Variants in SH3KBP1 observed in about 807,000 individuals in gnomAD.
SH3KBP1 encodes SH3 domain containing kinase binding protein 1.
Under a neutral mutation model 50.1 loss-of-function variants are expected in SH3KBP1, and 8 were observed. The observed-to-expected ratio is 0.16, with a 90% confidence interval of 0.09 to 0.29. The LOEUF (loss-of-function observed/expected upper bound fraction) is 0.29. Among genes scored for constraint, SH3KBP1 ranks in the 10% least tolerant of loss-of-function variants. The probability of loss-of-function intolerance (pLI) is 1.00; values close to 1 mark genes in which losing one functional copy is unlikely to be tolerated. For synonymous variants in SH3KBP1, 227 were observed against 218.6 expected, an observed-to-expected ratio of 1.04 and a Z score of -0.34; for missense variants, 377 against 535.2, an observed-to-expected ratio of 0.70 and a Z score of 2.92.
At chrX:19,650,863 A>G (rs1348023436) in intron 6 of SH3KBP1, among the ~76,000 whole-genome samples, 1 of 111,456 alleles carries the variant, frequency 9.0e-6, no homozygotes, top group African/African-American at 3.3e-5. Flanking sequence ...AGGGGTGCCC[A>G]ACCATTCCAC....
intron 2 of SH3KBP1, among the ~76,000 whole-genome samples, chrX:19,753,796 A>G (rs923601012): frequency 8.9e-6 from 1 of 112,598 alleles, no homozygotes; most frequent in Non-Finnish European, 1.9e-5. Flanking sequence ...GAAGAAAAAA[A>G]ACATAAAGTA....
chrX:19,717,544 G>A lies in SH3KBP1; in HGVS notation c.287-10560C>T, dbSNP rs1192073380. The stretch of plus-strand genomic sequence containing the variant: ...GATTGTGCCACTGCACTTCAGCCTG[G>A]GCAACGGAGTGAGACTCTGTCTCAA... On this transcript the variant is annotated intron_variant, in intron 3 of 17. Coordinates refer to ENST00000397821, the MANE Select transcript of SH3KBP1 (RefSeq NM_031892.3). Among the ~76,000 whole-genome samples the A allele has an allele frequency of 2.7e-5, 3 of 111,632 alleles. No homozygotes were observed. The East Asian group carries it at 8.5e-4, about 31-fold the overall frequency.
At chrX:19,671,096 G>A (rs1208915309) in intron 6 of SH3KBP1, 6 of 859,641 alleles carry the variant, frequency 7.0e-6, no homozygotes, top group South Asian at 4.5e-5. Flanking sequence ...CTCCTCCCTC[G>A]CCTATGTTGC....
intron 1 of SH3KBP1, among the ~76,000 whole-genome samples, chrX:19,851,345 G>A (rs2068504166): frequency 8.9e-6 from 1 of 111,876 alleles, no homozygotes; most frequent in African/African-American, 3.3e-5. Flanking sequence ...TGCAACACAC[G>A]AATCCAGATG....
intron 2 of SH3KBP1, among the ~76,000 whole-genome samples, chrX:19,816,660 T>C (rs1239449023): frequency 9.0e-6 from 1 of 110,697 alleles, no homozygotes; most frequent in African/African-American, 3.3e-5. Flanking sequence ...TACAAAAAAT[T>C]AGCCAGGCGT....
intron 2 of SH3KBP1, among the ~76,000 whole-genome samples, chrX:19,801,583 G>A (rs762261564): frequency 8.9e-6 from 1 of 111,880 alleles, no homozygotes; most frequent in African/African-American, 3.3e-5. Flanking sequence ...TTACAAAGGT[G>A]AGTGGTTGCC....
chrX:19,539,982 G>C (rs1342744062), intron 16 of SH3KBP1, among the ~76,000 whole-genome samples: 2 of 111,367 alleles, frequency 1.8e-5, no homozygotes, highest in African/African-American at 3.3e-5. Flanking sequence ...AGATGTTGCA[G>C]GCACCTCTCA....
At chrX:19,571,830 CT>C (rs199692054) in intron 12 of SH3KBP1, among the ~76,000 whole-genome samples, 203 of 99,798 alleles carry the variant, frequency 2.0e-3, no homozygotes, top group Middle Eastern at 0.01. Flanking sequence ...CTCTACTTGG[CT>C]TTTTTTTTTT....
rs537939258 is a variant in SH3KBP1, at chrX:19,853,917, G to A, written c.5-17635C>T. On this transcript the variant is annotated intron_variant, in intron 1 of 17. Transcript: ENST00000397821. ...GCAGACGTTGCAGTGAGCCAAGATC[G>A]CACCACTGCACTCCAGCCTGGGCAA... Among the ~76,000 whole-genome samples the A allele has an allele frequency of 1.9e-4, 20 of 105,863 alleles. No individual in the cohort carries two copies. The South Asian group carries it at 7.6e-3, about 40-fold the overall frequency. The allele number at this position is 105,863 out of a possible 115,157, so 91.9% of individuals were successfully genotyped here.
intron 2 of SH3KBP1, among the ~76,000 whole-genome samples, chrX:19,790,482 C>A (rs1056879062): frequency 6.3e-5 from 7 of 111,625 alleles, no homozygotes; most frequent in African/African-American, 2.3e-4. Context: ...GAGTGGACAA[C>A]CAATCAAAAT....
chrX:19,803,988 C>T (rs1001667191), intron 2 of SH3KBP1, among the ~76,000 whole-genome samples: 10 of 110,989 alleles, frequency 9.0e-5, no homozygotes, highest in Non-Finnish European at 1.9e-5. Context: ...CTGACTAACA[C>T]GGTGAAACCT....
intron 4 of SH3KBP1, among the ~76,000 whole-genome samples, chrX:19,702,656 T>A (rs982830642): frequency 1.9e-5 from 2 of 103,176 alleles, no homozygotes; most frequent in South Asian, 4.2e-4. Flanking sequence ...CAATGCACTT[T>A]AAAAAAAAAA....
At chrX:19,856,684 C>T (rs767921487) in intron 1 of SH3KBP1, among the ~76,000 whole-genome samples, 2 of 110,945 alleles carry the variant, frequency 1.8e-5, no homozygotes, top group Non-Finnish European at 3.8e-5. Context: ...CTACAGCCTT[C>T]GAAAGGAACC....
intron 2 of SH3KBP1, among the ~76,000 whole-genome samples, chrX:19,820,691 C>A (rs1327065768): frequency 4.5e-5 from 5 of 110,524 alleles, no homozygotes; most frequent in African/African-American, 1.3e-4. Context: ...ATTTAAAACA[C>A]ATATTGACAT....
Position 19,746,384 on chromosome X carries a change from G to A in SH3KBP1, c.220C>T (p.Leu74=), listed in dbSNP as rs1288883236. ...GAGTTTCCACTGGGCACTTCGTGCA[G>A]GGGCTTTTCTGGAGCTTTGTTGGTG... ...PLTNKAPEKP[L]HEVPSGNSLL... is the part of the protein sequence containing the mutation. The change falls in exon 3 of 18, where the codon CTG becomes TTG. Residue 74 remains leucine, a synonymous_variant. Coordinates refer to ENST00000397821, the MANE Select transcript of SH3KBP1 (RefSeq NM_031892.3). 8.3e-7 allele frequency: 1 copy of A among 1,206,293 alleles called. No individual in the cohort carries two copies.
intron 2 of SH3KBP1, among the ~76,000 whole-genome samples, chrX:19,785,880 A>G (rs1010958705): frequency 9.0e-6 from 1 of 111,012 alleles, no homozygotes; most frequent in African/African-American, 3.3e-5. Flanking sequence ...GGAGGAGTCA[A>G]ATTCAGACAC....
At chrX:19,816,944 T>A (rs1418519414) in intron 2 of SH3KBP1, among the ~76,000 whole-genome samples, 3 of 112,440 alleles carry the variant, frequency 2.7e-5, no homozygotes, top group Non-Finnish European at 5.6e-5. Context: ...AGTTAATTTT[T>A]TAATAAGATG....
At chrX:19,700,623 T>C (rs139418504) in intron 4 of SH3KBP1, among the ~76,000 whole-genome samples, 3 of 112,120 alleles carry the variant, frequency 2.7e-5, no homozygotes, top group Non-Finnish European at 5.6e-5. Flanking sequence ...CTGAAAATAA[T>C]ACAAATTATT....
intron 8 of SH3KBP1, among the ~76,000 whole-genome samples, chrX:19,617,920 C>CA (rs961895538): frequency 9.0e-6 from 1 of 111,166 alleles, no homozygotes; most frequent in Non-Finnish European, 1.9e-5. Context: ...AAAACAAAAA[C>CA]AAAAAAACCT....
Sources: gnomAD v4.1 joint callset for allele counts (sites outside exome capture counted in the v4.1 genomes callset) on GRCh38, gnomAD v4.1.1 for gene constraint, MANE v1.5 for transcripts, NCBI Gene and HGNC (gene_info 2026-07-23, HGNC 2026-07-21) for gene names.